PCDHA6: variants seen among roughly 807,000 people sequenced by gnomAD.
PCDHA6 encodes protocadherin alpha 6.
A neutral mutation model predicts 60.3 loss-of-function variants in PCDHA6; 55 were observed. The ratio of observed to expected loss-of-function variants is 0.91; its 90% CI spans 0.73 to 1.14. The LOEUF is 1.14. Among genes scored for constraint, PCDHA6 ranks in the 50% most tolerant of loss-of-function variants. PCDHA6 has a pLI of 0.00. For missense variants in PCDHA6, 1,327 were observed against 1,256.5 expected (o/e 1.06, Z -0.85); for synonymous variants, 652 against 557.9 (o/e 1.17, Z -2.38).
chr5:140,965,035 C>T (rs978573637), intron 1 of PCDHA6, among the ~76,000 whole-genome samples: 6 of 152,108 alleles, frequency 3.9e-5, no homozygotes, highest in Non-Finnish European at 5.9e-5. Context: ...TTTAACTGTC[C>T]GCTCTAGGAG....
chr5:140,836,171 A>G lies in PCDHA6; in HGVS notation c.2394+5686A>G, dbSNP rs2150254615. 35 of 1,613,728 alleles carry G rather than the reference A, an allele frequency of 2.2e-5. 2 individuals carry two copies. The South Asian group carries it at 2.5e-4, about 12-fold the overall frequency. On this transcript the variant is annotated intron_variant, in intron 1 of 3. Transcript: ENST00000529310. The stretch of plus-strand genomic sequence containing the variant: ...GCCATGTGGTGGCGAAGGTACGTGC[A>G]GTTGACGCTGACTCAGGCTACAACG...
At chr5:140,831,135 G>C (rs1269683904) in intron 1 of PCDHA6, 5 of 152,252 alleles carry the variant, frequency 3.3e-5, no homozygotes, top group Admixed American at 3.3e-4. Context: ...TATGGTTATT[G>C]ATTTATTTAC....
At position 140,836,402 on chromosome 5, in the gene PCDHA6, C is replaced by T. The variant is rs1695178893; in HGVS notation, c.2394+5917C>T. The T allele has an allele frequency of 1.9e-6, 3 of 1,613,680 alleles. No homozygotes were observed. The South Asian group carries it at 3.3e-5, about 18-fold the overall frequency. On this transcript the variant is annotated intron_variant, in intron 1 of 3. Transcript: ENST00000529310. Reference sequence around the variant, plus strand: ...TGCTGGTGTCGCTGGTGGAAAGCGGCCAGGCACCAAAGGCGTCGTCGCGGG... The same window carrying T: ...TGCTGGTGTCGCTGGTGGAAAGCGGTCAGGCACCAAAGGCGTCGTCGCGGG...
chr5:140,894,525 A>G (rs544789222), intron 1 of PCDHA6, among the ~76,000 whole-genome samples: 11 of 151,856 alleles, frequency 7.2e-5, no homozygotes, highest in African/African-American at 2.7e-4. Context: ...ATATGCTGTT[A>G]TGTGCCTTCT....
intron 1 of PCDHA6, among the ~76,000 whole-genome samples, chr5:140,893,651 A>G (rs1422431076): frequency 6.6e-6 from 1 of 152,106 alleles, no homozygotes; most frequent in Non-Finnish European, 1.5e-5. Context: ...TTTGGCTGAT[A>G]GTTTTAAAAA....
At chr5:140,954,453 A>G (rs1489783264) in intron 1 of PCDHA6, among the ~76,000 whole-genome samples, 1 of 152,142 alleles carries the variant, frequency 6.6e-6, no homozygotes, top group East Asian at 1.9e-4. Flanking sequence ...ACTTGTTAAT[A>G]ATTGCCATTC....
chr5:140,862,807 C>A, intron 1 of PCDHA6: 1 of 572,850 alleles, frequency 1.7e-6, no homozygotes. Flanking sequence ...GGAGCTGCTG[C>A]AGTTCTAGGT....
At chr5:140,876,630 C>T in intron 1 of PCDHA6, 2 of 1,614,226 alleles carry the variant, frequency 1.2e-6, no homozygotes, top group Non-Finnish European at 1.7e-6. Context: ...GACAGGTCAT[C>T]TGCTCACTGA....
chr5:140,893,048 T>C (rs1462017776), intron 1 of PCDHA6, among the ~76,000 whole-genome samples: 1 of 152,250 alleles, frequency 6.6e-6, no homozygotes, highest in Non-Finnish European at 1.5e-5. Flanking sequence ...CCCTCCAGGC[T>C]CAGCCATACT....
Position 140,850,161 on chromosome 5 carries a change from C to T in PCDHA6, c.2394+19676C>T, listed in dbSNP as rs2150470387. On this transcript the variant is annotated intron_variant, in intron 1 of 3. Coordinates refer to ENST00000529310, the MANE Select transcript of PCDHA6 (RefSeq NM_018909.4). ...CAACGTGACGCTGCAGGTGTTCGTG[C>T]TGGACGAGAACGACAATGCGCCGGC... 20 of 1,594,886 alleles carry T rather than the reference C, an allele frequency of 1.3e-5. 1 individual carries two copies. Among genetic ancestry groups the T allele is most frequent in the Non-Finnish European group, 1.7e-5 (20 of 1,167,810 alleles).
Position 140,857,347 on chromosome 5 carries a change from G to T in PCDHA6, c.2394+26862G>T, listed in dbSNP as rs781930086. 8.1e-6 allele frequency: 13 copies of T among 1,598,236 alleles called. No homozygotes were observed. The African/African-American group carries it at 1.1e-4, about 13-fold the overall frequency. On this transcript the variant is annotated intron_variant, in intron 1 of 3. Coordinates refer to ENST00000529310, the MANE Select transcript of PCDHA6 (RefSeq NM_018909.4). The stretch of plus-strand genomic sequence containing the variant: ...CCGCGCGGGACGGGGGCTCGCCTCC[G>T]CTGTGGGCCACGGCCAGCGTGTCTG...
At chr5:140,849,967 C>T (rs2150460775) in intron 1 of PCDHA6, 1 of 1,597,834 alleles carries the variant, frequency 6.3e-7, no homozygotes, top group East Asian at 2.2e-5. Flanking sequence ...GCCCTGGTGT[C>T]CTACTCGCTG....
intron 1 of PCDHA6, among the ~76,000 whole-genome samples, chr5:140,895,474 C>T (rs947771616): frequency 2.1e-4 from 32 of 152,154 alleles, no homozygotes; most frequent in African/African-American, 7.0e-4. Flanking sequence ...TTATCCTCTT[C>T]GGAGAAATAC....
chr5:140,965,445 G>T (rs1460508023), intron 1 of PCDHA6, among the ~76,000 whole-genome samples: 1 of 151,794 alleles, frequency 6.6e-6, no homozygotes, highest in Non-Finnish European at 1.5e-5. Flanking sequence ...TGAAATTGCT[G>T]GTTATTGTAA....
intron 1 of PCDHA6, among the ~76,000 whole-genome samples, chr5:140,940,999 A>C (rs2092715324): frequency 1.3e-5 from 2 of 152,264 alleles, no homozygotes; most frequent in Admixed American, 1.3e-4. Context: ...TATAGGATTA[A>C]ATTTTCCTTT....
chr5:140,858,038 G>A, intron 1 of PCDHA6: 1 of 1,596,684 alleles, frequency 6.3e-7, no homozygotes, highest in East Asian at 2.2e-5. Context: ...CACGGCCACT[G>A]TGCTTGTGTC....
At chr5:140,851,327 T>C in intron 1 of PCDHA6, 1 of 984,006 alleles carries the variant, frequency 1.0e-6, no homozygotes, top group East Asian at 8.4e-5. Context: ...GTTAAGTTTG[T>C]AGTTCTCTAC....
chr5:140,878,079 T>C (rs1453461494), intron 1 of PCDHA6: 1 of 346,026 alleles, frequency 2.9e-6, no homozygotes, highest in Non-Finnish European at 4.9e-6. Context: ...TTTTCTATAA[T>C]ATTTTATATG....
At chr5:140,987,227 A>T (rs1410526870) in intron 3 of PCDHA6, among the ~76,000 whole-genome samples, 2 of 151,696 alleles carry the variant, frequency 1.3e-5, no homozygotes, top group African/African-American at 4.8e-5. Context: ...AAAAAAAAAA[A>T]TAATAAATAA....
Sources: gnomAD v4.1 joint callset for allele counts (sites outside exome capture counted in the v4.1 genomes callset) on GRCh38, gnomAD v4.1.1 for gene constraint, MANE v1.5 for transcripts, NCBI Gene and HGNC (gene_info 2026-07-23, HGNC 2026-07-21) for gene names.